The following SH3GL2 variants were observed in gnomAD, a reference collection of about 807,000 sequenced individuals.
SH3GL2 encodes the protein endophilin-A1.
Under a neutral mutation model 46.0 loss-of-function variants are expected in SH3GL2, and 24 were observed. That is an observed-to-expected ratio of 0.52 (90% CI 0.38 to 0.73). The LOEUF (loss-of-function observed/expected upper bound fraction) is 0.73, where lower values mean the gene tolerates loss of function less well. Ranked by LOEUF, SH3GL2 falls within the 30% of genes least tolerant of loss-of-function variation. The probability of loss-of-function intolerance (pLI) is 0.00; values close to 1 mark genes in which losing one functional copy is unlikely to be tolerated. For synonymous variants in SH3GL2, 196 were observed against 147.1 expected (o/e 1.33, Z -2.40); for missense variants, 413 against 424.2 (o/e 0.97, Z 0.23).
chr9:17,588,680 A>C (rs1206536982), intron 1 of SH3GL2, among the ~76,000 whole-genome samples: 1 of 152,212 alleles, frequency 6.6e-6, no homozygotes, highest in African/African-American at 2.4e-5. Flanking sequence ...TCCAGATAAG[A>C]GCCCAGTCTA....
intron 1 of SH3GL2, among the ~76,000 whole-genome samples, chr9:17,687,157 A>T (rs1820937289): frequency 6.6e-6 from 1 of 152,166 alleles, no homozygotes; most frequent in Non-Finnish European, 1.5e-5. Flanking sequence ...CTCTCACATT[A>T]AGTGTATGCT....
intron 1 of SH3GL2, among the ~76,000 whole-genome samples, chr9:17,677,822 T>C (rs1009111076): frequency 1.2e-4 from 18 of 151,814 alleles, no homozygotes; most frequent in Non-Finnish European, 2.6e-4. Context: ...ATGTTCCCCT[T>C]CCTGTGTCCA....
At chr9:17,733,874 A>G (rs1025037119) in intron 1 of SH3GL2, among the ~76,000 whole-genome samples, 1 of 151,888 alleles carries the variant, frequency 6.6e-6, no homozygotes, top group Non-Finnish European at 1.5e-5. Context: ...GCAAGAACAA[A>G]AAAACCAAAC....
intron 1 of SH3GL2, among the ~76,000 whole-genome samples, chr9:17,598,045 C>T (rs1266377485): frequency 1.3e-5 from 2 of 152,158 alleles, no homozygotes; most frequent in African/African-American, 4.8e-5. Context: ...GAATTTGTCA[C>T]AGGTGCAGCA....
chr9:17,736,660 T>TA (rs1822343714), intron 1 of SH3GL2, among the ~76,000 whole-genome samples: 1 of 152,084 alleles, frequency 6.6e-6, no homozygotes, highest in African/African-American at 2.4e-5. Context: ...AGGTGTGAAA[T>TA]ACATGTAGGA....
chr9:17,705,084 C>T (rs909388286), intron 1 of SH3GL2, among the ~76,000 whole-genome samples: 3 of 151,384 alleles, frequency 2.0e-5, no homozygotes, highest in African/African-American at 4.8e-5. Context: ...GCACAAAAGA[C>T]ATAAGCAGAC....
intron 1 of SH3GL2, among the ~76,000 whole-genome samples, chr9:17,622,881 A>G (rs926245989): frequency 2.0e-5 from 3 of 152,126 alleles, no homozygotes; most frequent in African/African-American, 7.2e-5. Flanking sequence ...GCAGTTTTTG[A>G]GAGTAAGAAC....
chr9:17,682,629 C>T (rs75037075), intron 1 of SH3GL2, among the ~76,000 whole-genome samples: 3,726 of 151,462 alleles, frequency 0.025, 64 homozygotes, highest in South Asian at 0.031. Context: ...ACACATATAC[C>T]TATGTAACAA....
chr9:17,624,500 C>A (rs1222089320), intron 1 of SH3GL2, among the ~76,000 whole-genome samples: 1 of 145,054 alleles, frequency 6.9e-6, no homozygotes, highest in Non-Finnish European at 1.5e-5. Flanking sequence ...TGACATTCTG[C>A]TCTAAGCAAG....
At chr9:17,706,620 C>T (rs756282838) in intron 1 of SH3GL2, among the ~76,000 whole-genome samples, 2 of 151,924 alleles carry the variant, frequency 1.3e-5, no homozygotes, top group Non-Finnish European at 2.9e-5. Flanking sequence ...ATGACATATA[C>T]TGTTCATGTC....
At chr9:17,601,654 T>A (rs1034699886) in intron 1 of SH3GL2, among the ~76,000 whole-genome samples, 1 of 152,234 alleles carries the variant, frequency 6.6e-6, no homozygotes, top group African/African-American at 2.4e-5. Flanking sequence ...AAATTTTTTG[T>A]AGGGATAGCA....
At chr9:17,682,394 A>T (rs946942731) in intron 1 of SH3GL2, among the ~76,000 whole-genome samples, 1 of 152,186 alleles carries the variant, frequency 6.6e-6, no homozygotes, top group East Asian at 1.9e-4. Context: ...AAGGAATGAG[A>T]TCAGATCCTT....
At chr9:17,649,792 C>A (rs58823247) in intron 1 of SH3GL2, among the ~76,000 whole-genome samples, 58 of 152,256 alleles carry the variant, frequency 3.8e-4, no homozygotes, top group African/African-American at 1.3e-3. Context: ...AGTAGTTTTT[C>A]TTGCTATGCC....
intron 1 of SH3GL2, among the ~76,000 whole-genome samples, chr9:17,610,407 G>A (rs1387071488): frequency 1.3e-5 from 2 of 152,164 alleles, no homozygotes; most frequent in African/African-American, 4.8e-5. Flanking sequence ...GGCCATTAAA[G>A]GCATGTTATA....
At chr9:17,641,029 T>C (rs893938595) in intron 1 of SH3GL2, among the ~76,000 whole-genome samples, 2 of 152,296 alleles carry the variant, frequency 1.3e-5, no homozygotes, top group African/African-American at 4.8e-5. Context: ...TAGAATCCCT[T>C]TGATTATAAG....
intron 3 of SH3GL2, among the ~76,000 whole-genome samples, chr9:17,785,254 C>G (rs564340309): frequency 1.9e-3 from 287 of 152,252 alleles, no homozygotes; most frequent in Non-Finnish European, 2.9e-3. Flanking sequence ...CCCATCAAGG[C>G]ACTTGGCATA....
intron 1 of SH3GL2, among the ~76,000 whole-genome samples, chr9:17,722,193 T>C (rs943300069): frequency 1.3e-5 from 2 of 152,034 alleles, no homozygotes; most frequent in African/African-American, 2.4e-5. Flanking sequence ...GGGCTTCCTG[T>C]CTTTAAGTTA....
intron 1 of SH3GL2, among the ~76,000 whole-genome samples, chr9:17,723,218 T>G (rs1328048267): frequency 2.0e-5 from 3 of 152,134 alleles, no homozygotes; most frequent in Non-Finnish European, 4.4e-5. Flanking sequence ...TTTTTATGTT[T>G]TTTATATTAG....
At chr9:17,728,163 C>T (rs541462278) in intron 1 of SH3GL2, among the ~76,000 whole-genome samples, 84 of 152,224 alleles carry the variant, frequency 5.5e-4, no homozygotes, top group African/African-American at 2.0e-3. Flanking sequence ...CGAATCTAGT[C>T]TTCCTCCTTG....
Sources: gnomAD v4.1 joint callset for allele counts (sites outside exome capture counted in the v4.1 genomes callset) on GRCh38, gnomAD v4.1.1 for gene constraint, MANE v1.5 for transcripts, NCBI Gene and HGNC (gene_info 2026-07-23, HGNC 2026-07-21) for gene names.